RBFOX1: variants seen among roughly 807,000 people sequenced by gnomAD.
The protein encoded by RBFOX1 is RNA binding fox-1 homolog 1.
A neutral mutation model predicts 57.7 loss-of-function variants in RBFOX1; 8 were observed. The ratio of observed to expected loss-of-function variants is 0.14; its 90% CI spans 0.08 to 0.25. The LOEUF is 0.25. Among genes scored for constraint, RBFOX1 ranks in the 10% least tolerant of loss-of-function variants. RBFOX1 has a pLI of 1.00. For synonymous variants in RBFOX1, 326 were observed against 222.4 expected, an observed-to-expected ratio of 1.47 and a Z score of -4.15; for missense variants, 611 against 548.5, an observed-to-expected ratio of 1.11 and a Z score of -1.14.
chr16:6,440,678 G>C (rs1004891467), intron 2 of RBFOX1, among the ~76,000 whole-genome samples: 2 of 151,948 alleles, frequency 1.3e-5, no homozygotes, highest in African/African-American at 4.8e-5. Flanking sequence ...CTGGGCATCT[G>C]TAGTCCCAAC....
intron 3 of RBFOX1, among the ~76,000 whole-genome samples, chr16:6,961,135 T>TCATACACACTCACACACACACACACACA (rs2082894701): frequency 3.9e-5 from 1 of 25,918 alleles, no homozygotes; most frequent in Non-Finnish European, 9.7e-5. Flanking sequence ...AGAGACTCCA[T>TCATACACACTCACACACACACACACACA]CACACACACC....
At chr16:7,293,843 T>C (rs796463557) in intron 4 of RBFOX1, among the ~76,000 whole-genome samples, 24 of 152,268 alleles carry the variant, frequency 1.6e-4, no homozygotes, top group African/African-American at 5.8e-4. Flanking sequence ...TATGCAATGA[T>C]GCCAGGGACT....
At chr16:7,000,108 C>G (rs2092653827) in intron 3 of RBFOX1, among the ~76,000 whole-genome samples, 1 of 151,032 alleles carries the variant, frequency 6.6e-6, no homozygotes, top group Admixed American at 6.6e-5. Context: ...AGTAGGTGTC[C>G]AAACATCATA....
At chr16:5,286,457 A>T (rs1014263657) in intron 1 of RBFOX1, among the ~76,000 whole-genome samples, 2 of 152,204 alleles carry the variant, frequency 1.3e-5, no homozygotes, top group Non-Finnish European at 2.9e-5. Flanking sequence ...GTCAGTCTCC[A>T]GGCCCCCAGA....
intron 12 of RBFOX1, among the ~76,000 whole-genome samples, chr16:7,662,627 A>C (rs1466927045): frequency 6.6e-6 from 1 of 152,168 alleles, no homozygotes; most frequent in Non-Finnish European, 1.5e-5. Flanking sequence ...ACAGACCTTT[A>C]ATGTGAGGCA....
At chr16:5,989,555 G>C (rs1206765447) in intron 4 of RBFOX1, among the ~76,000 whole-genome samples, 3 of 152,108 alleles carry the variant, frequency 2.0e-5, no homozygotes, top group Non-Finnish European at 1.5e-5. Flanking sequence ...CTGGGCTGTG[G>C]ATTCAGCAAG....
chr16:7,029,801 G>C (rs929444756), intron 3 of RBFOX1, among the ~76,000 whole-genome samples: 2 of 152,098 alleles, frequency 1.3e-5, no homozygotes, highest in South Asian at 2.1e-4. Flanking sequence ...ACATGAATCT[G>C]GACATTATGA....
At chr16:5,793,086 G>A (rs17138652) in intron 3 of RBFOX1, among the ~76,000 whole-genome samples, 35,742 of 152,136 alleles carry the variant, frequency 0.23, 5,003 homozygotes, top group East Asian at 0.55. Context: ...CCGTTTTCCA[G>A]ACCTCAGGCT....
intron 3 of RBFOX1, among the ~76,000 whole-genome samples, chr16:5,673,415 G>T (rs1051659039): frequency 1.3e-5 from 2 of 151,610 alleles, no homozygotes; most frequent in Admixed American, 6.5e-5. Flanking sequence ...CATCCTGAAG[G>T]CTCTGTCCAG....
chr16:6,987,786 A>G (rs1404271376), intron 3 of RBFOX1, among the ~76,000 whole-genome samples: 4 of 152,280 alleles, frequency 2.6e-5, no homozygotes, highest in East Asian at 3.9e-4. Context: ...AAGAACGAAC[A>G]TTGTAAGGCT....
chr16:5,816,942 C>T (rs1379540752), intron 3 of RBFOX1, among the ~76,000 whole-genome samples: 5 of 152,172 alleles, frequency 3.3e-5, no homozygotes, highest in Admixed American at 2.0e-4. Context: ...TGCATATCCT[C>T]TCTGTGTTCT....
chr16:6,311,097 C>G (rs985773866), intron 1 of RBFOX1, among the ~76,000 whole-genome samples: 1 of 151,816 alleles, frequency 6.6e-6, no homozygotes, highest in South Asian at 2.1e-4. Context: ...GAGTTCAAGA[C>G]CAGCCTGGCC....
intron 1 of RBFOX1, among the ~76,000 whole-genome samples, chr16:5,407,436 G>A (rs914934219): frequency 6.6e-6 from 1 of 152,172 alleles, no homozygotes; most frequent in Non-Finnish European, 1.5e-5. Context: ...GCCCTGTGCT[G>A]GGAGGGAACT....
chr16:5,639,853 C>T (rs1012398800), intron 3 of RBFOX1, among the ~76,000 whole-genome samples: 3 of 152,192 alleles, frequency 2.0e-5, no homozygotes, highest in Non-Finnish European at 4.4e-5. Flanking sequence ...TCATCTTGTG[C>T]CTTTGAAGCC....
At chr16:7,196,362 C>T (rs1371634942) in intron 4 of RBFOX1, among the ~76,000 whole-genome samples, 3 of 152,162 alleles carry the variant, frequency 2.0e-5, no homozygotes, top group African/African-American at 7.2e-5. Flanking sequence ...CACCCTGCTT[C>T]ACTCCCCCTC....
intron 3 of RBFOX1, among the ~76,000 whole-genome samples, chr16:5,823,433 A>G (rs2055925112): frequency 1.3e-5 from 2 of 152,178 alleles, no homozygotes; most frequent in Admixed American, 6.5e-5. Context: ...TTGAGGGAAT[A>G]GTCGATATTG....
chr16:6,075,053 G>T (rs753286976), intron 1 of RBFOX1, among the ~76,000 whole-genome samples: 2 of 152,202 alleles, frequency 1.3e-5, no homozygotes, highest in Admixed American at 6.5e-5. Flanking sequence ...CAGAGAGGGG[G>T]TTCTTTCACT....
chr16:5,493,723 C>G (rs573932315), intron 2 of RBFOX1, among the ~76,000 whole-genome samples: 1 of 152,328 alleles, frequency 6.6e-6, no homozygotes, highest in South Asian at 2.1e-4. Flanking sequence ...TGCTTGCTTG[C>G]TCTGCTCATT....
At chr16:7,706,113 C>T (rs904381557) in intron 14 of RBFOX1, among the ~76,000 whole-genome samples, 2 of 152,164 alleles carry the variant, frequency 1.3e-5, no homozygotes, top group African/African-American at 4.8e-5. Context: ...ATATCTGCTG[C>T]AAACGTAGCA....
Sources: allele counts gnomAD v4.1 joint callset (sites outside exome capture counted in the v4.1 genomes callset), GRCh38; gene constraint gnomAD v4.1.1; transcripts MANE v1.5; gene names NCBI Gene and HGNC (gene_info 2026-07-23, HGNC 2026-07-21).